Variants in RERE observed in about 807,000 individuals in gnomAD.
The protein encoded by RERE is arginine-glutamic acid dipeptide repeats, also known as arginine-glutamic acid dipeptide repeats protein.
Under a neutral mutation model 146.1 loss-of-function variants are expected in RERE, and 40 were observed. The ratio of observed to expected loss-of-function variants is 0.27; its 90% CI spans 0.21 to 0.36. The LOEUF (loss-of-function observed/expected upper bound fraction) is 0.36. Ranked by LOEUF, RERE falls within the 10% of genes least tolerant of loss-of-function variation. The pLI, the probability that RERE is intolerant of heterozygous loss-of-function variation, is 1.00. For missense variants in RERE, 1,933 were observed against 2,138.7 expected, an observed-to-expected ratio of 0.90 and a Z score of 1.90; for synonymous variants, 1,003 against 866.0, an observed-to-expected ratio of 1.16 and a Z score of -2.78.
At chr1:8,787,226 T>C (rs1569796457) in intron 1 of RERE, among the ~76,000 whole-genome samples, 2 of 152,350 alleles carry the variant, frequency 1.3e-5, no homozygotes, top group South Asian at 4.1e-4. Flanking sequence ...TCCCTCTGCC[T>C]GGAAGGCTCT....
chr1:8,407,582 C>T (rs1000028769), intron 12 of RERE, among the ~76,000 whole-genome samples: 1 of 151,894 alleles, frequency 6.6e-6, no homozygotes. Flanking sequence ...TTGGCTCATC[C>T]CCACCCCATG....
intron 6 of RERE, among the ~76,000 whole-genome samples, chr1:8,554,930 A>G (rs1230661292): frequency 4.6e-5 from 7 of 152,356 alleles, no homozygotes; most frequent in Middle Eastern, 3.4e-3. Context: ...TAACTGTTCC[A>G]TCAATATAAT....
intron 9 of RERE, among the ~76,000 whole-genome samples, chr1:8,496,334 G>A (rs1047449915): frequency 2.0e-5 from 3 of 151,690 alleles, no homozygotes; most frequent in Non-Finnish European, 2.9e-5. Context: ...AAAAATAGCC[G>A]GGCATGGTGC....
At chr1:8,490,666 A>C (rs1357026763) in intron 10 of RERE, among the ~76,000 whole-genome samples, 1 of 150,544 alleles carries the variant, frequency 6.6e-6, no homozygotes, top group Non-Finnish European at 1.5e-5. Flanking sequence ...CAAAATCCTT[A>C]TGCCCAAAGA....
chr1:8,392,734 G>A (rs1642925490), intron 12 of RERE, among the ~76,000 whole-genome samples: 1 of 152,158 alleles, frequency 6.6e-6, no homozygotes, highest in South Asian at 2.1e-4. Context: ...GCAAACATCT[G>A]CTGCAAGGTT....
intron 11 of RERE, among the ~76,000 whole-genome samples, chr1:8,443,713 T>C (rs1006766384): frequency 1.1e-4 from 17 of 152,148 alleles, no homozygotes; most frequent in African/African-American, 3.9e-4. Context: ...CTCTGCAGCT[T>C]TGGGACACTG....
rs1162245787 is a variant in RERE at position 8,364,964 on chromosome 1, C to G, written c.1448-126G>C. On this transcript the variant is annotated intron_variant, in intron 13 of 22. Coordinates refer to ENST00000400908, the MANE Select transcript of RERE (RefSeq NM_001042681.2). The surrounding 1 kb of genome is among the most constrained non-coding windows in gnomAD (Gnocchi z 5.1). ...CTGGCCTACTGCAGGTTCTGGCCAC[C>G]AGTCAGAGCGGCTGGGTGCACAGGC... The G allele has an allele frequency of 8.5e-6, 6 of 702,082 alleles. No individual in the cohort carries two copies. Among genetic ancestry groups the G allele is most frequent in the Non-Finnish European group, 1.5e-5 (6 of 399,900 alleles). The allele number at this position is 702,082 out of a possible 1,614,324, so 43.5% of individuals were successfully genotyped here.
chr1:8,556,719 T>G, intron 5 of RERE, 148 bp from the exon 6 acceptor site: 1 of 571,796 alleles, frequency 1.7e-6, no homozygotes, highest in Non-Finnish European at 3.1e-6. Flanking sequence ...AGAAGAGGAA[T>G]CATAAATTGC....
intron 4 of RERE, among the ~76,000 whole-genome samples, chr1:8,564,826 A>ATGTG (rs796133984): frequency 0.034 from 3,955 of 117,504 alleles, 127 homozygotes; most frequent in East Asian, 0.086. Flanking sequence ...GTGTGTGTAT[A>ATGTG]TGTGTATGTG....
chr1:8,502,914 C>G (rs1387053403), intron 8 of RERE, among the ~76,000 whole-genome samples: 2 of 151,078 alleles, frequency 1.3e-5, no homozygotes, highest in African/African-American at 4.9e-5. Flanking sequence ...GTCATCACCA[C>G]TCCCTAATCT....
At chr1:8,627,932 A>G (rs551346690) in intron 2 of RERE, among the ~76,000 whole-genome samples, 19 of 152,322 alleles carry the variant, frequency 1.2e-4, no homozygotes, top group African/African-American at 4.3e-4. Context: ...CTGTTTGCCT[A>G]AACACTTCTC....
Position 8,400,259 on chromosome 1 carries a change from T to C in RERE, c.1284+22468A>G, listed in dbSNP as rs1214756128. On this transcript the variant is annotated intron_variant, in intron 12 of 22. Coordinates refer to ENST00000400908, the MANE Select transcript of RERE (RefSeq NM_001042681.2). ...GTGTGTGTGTGTGTGTGTGTGTACA[T>C]ATATATTATAGTTTGACAAAGTCAT... Among the ~76,000 whole-genome samples the C allele has an allele frequency of 5.3e-5, 8 of 151,764 alleles. No homozygotes were observed. In the South Asian group the frequency reaches 1.7e-3, roughly 32 times the overall value.
At chr1:8,787,116 CCT>C (rs1177128415) in intron 1 of RERE, among the ~76,000 whole-genome samples, 1 of 152,182 alleles carries the variant, frequency 6.6e-6, no homozygotes, top group African/African-American at 2.4e-5. Context: ...GGCTCCTGCC[CCT>C]CTTTCCTGGT....
chr1:8,404,075 C>T (rs937040457), intron 12 of RERE, among the ~76,000 whole-genome samples: 18 of 151,706 alleles, frequency 1.2e-4, no homozygotes, highest in Non-Finnish European at 1.8e-4. Context: ...GTGATCCGCC[C>T]GCCTCGGCCT....
chr1:8,362,976 A>C, intron 15 of RERE, 132 bp from the exon 16 acceptor site: 1 of 977,542 alleles, frequency 1.0e-6, no homozygotes. Context: ...ACCTTGGCAA[A>C]CAACAGGCCG....
At chr1:8,588,912 TGAG>T (rs1309004392) in intron 4 of RERE, among the ~76,000 whole-genome samples, 2 of 152,028 alleles carry the variant, frequency 1.3e-5, no homozygotes, top group African/African-American at 4.8e-5. Context: ...TCACTTGAGG[TGAG>T]GAGTTCAAGA....
intron 1 of RERE, among the ~76,000 whole-genome samples, chr1:8,714,772 AGG>A (rs1442450290): frequency 6.6e-6 from 1 of 152,162 alleles, no homozygotes; most frequent in African/African-American, 2.4e-5. Flanking sequence ...GGAAAATTTA[AGG>A]GTGATTTAGA....
chr1:8,812,345 A>C (rs759230192), intron 1 of RERE, among the ~76,000 whole-genome samples: 3 of 152,166 alleles, frequency 2.0e-5, no homozygotes, highest in Non-Finnish European at 4.4e-5. Context: ...CATACTGGCA[A>C]ATTTTACCAG....
chr1:8,786,996 A>ATTAT, intron 1 of RERE: 1 of 600,474 alleles, frequency 1.7e-6, no homozygotes, highest in Non-Finnish European at 2.9e-6. Context: ...GATCTTTATA[A>ATTAT]GACAGAGATC....
Sources: allele counts gnomAD v4.1 joint callset (sites outside exome capture counted in the v4.1 genomes callset), GRCh38; gene constraint gnomAD v4.1.1; non-coding constraint Gnocchi (gnomAD v3.1); transcripts MANE v1.5; gene names NCBI Gene and HGNC (gene_info 2026-07-23, HGNC 2026-07-21).